Variants in SORBS2 observed in about 807,000 individuals in gnomAD.
SORBS2 encodes sorbin and SH3 domain-containing protein 2.
Under a neutral mutation model 97.7 loss-of-function variants are expected in SORBS2, and 46 were observed. The ratio of observed to expected loss-of-function variants is 0.47; its 90% CI spans 0.37 to 0.60. SORBS2 has a LOEUF of 0.60. Among genes scored for constraint, SORBS2 ranks in the 20% least tolerant of loss-of-function variants. The pLI is 0.00. For synonymous variants in SORBS2, 476 were observed against 473.4 expected, an observed-to-expected ratio of 1.01 and a Z score of -0.07; for missense variants, 1,316 against 1,282.3, an observed-to-expected ratio of 1.03 and a Z score of -0.40.
chr4:185,774,791 G>A (rs969603189), intron 2 of SORBS2: 18 of 151,808 alleles, frequency 1.2e-4, no homozygotes, highest in African/African-American at 3.9e-4. Context: ...TATACAATAC[G>A]GCTCGCTCAT....
intron 1 of SORBS2, among the ~76,000 whole-genome samples, chr4:185,909,615 A>G (rs62336464): frequency 0.4 from 60,822 of 152,050 alleles, 12,785 homozygotes; most frequent in Middle Eastern, 0.5. Flanking sequence ...GCATTGCTTT[A>G]TCATCGCATA....
At position 185,605,948 on chromosome 4, in the gene SORBS2, A is replaced by G. The variant is rs575771215; in HGVS notation, c.2796+5832T>C. On this transcript the variant is annotated intron_variant, in intron 12 of 14. Transcript: ENST00000418609. Reference sequence around the variant, plus strand: ...TTGTTGATTAAAACCACTGTTCAAGATTCTTCATAACATGAAGATACAGTA... The same window carrying G: ...TTGTTGATTAAAACCACTGTTCAAGGTTCTTCATAACATGAAGATACAGTA... 2.9e-3 allele frequency: 750 copies of G among 255,256 alleles called. 3 individuals are homozygous for G. Among genetic ancestry groups the G allele is most frequent in the Admixed American group, 6.0e-3 (93 of 15,414 alleles). 15.8% of individuals were successfully genotyped at this position (255,256 alleles called of 1,614,324 possible).
chr4:185,671,299 C>T (rs138067986), intron 4 of SORBS2, among the ~76,000 whole-genome samples: 325 of 152,220 alleles, frequency 2.1e-3, no homozygotes, highest in South Asian at 3.5e-3. Flanking sequence ...GTATTCAGAT[C>T]GGGAATATGG....
chr4:185,804,605 A>G (rs1052029719), intron 1 of SORBS2, among the ~76,000 whole-genome samples: 5 of 152,214 alleles, frequency 3.3e-5, no homozygotes, highest in African/African-American at 1.2e-4. Context: ...AGTATTTGGT[A>G]TTATACTTAT....
chr4:185,649,792 T>C, intron 2 of SORBS2, 136 bp from the exon 12 acceptor site: 1 of 450,918 alleles, frequency 2.2e-6, no homozygotes, highest in Non-Finnish European at 3.9e-6. Flanking sequence ...TCATAATGCA[T>C]ACATTAGAAG....
At chr4:185,699,772 TA>T (rs1444414142) in intron 2 of SORBS2, among the ~76,000 whole-genome samples, 1 of 152,178 alleles carries the variant, frequency 6.6e-6, no homozygotes, top group African/African-American at 2.4e-5. Context: ...TGGGATCTAA[TA>T]AAAGTAGACA....
intron 1 of SORBS2, among the ~76,000 whole-genome samples, chr4:185,854,403 G>A (rs2099219562): frequency 6.6e-6 from 1 of 152,086 alleles, no homozygotes; most frequent in African/African-American, 2.4e-5. Context: ...CATTAGACTG[G>A]CCCAGTGACA....
intron 1 of SORBS2, among the ~76,000 whole-genome samples, chr4:185,862,977 C>T (rs144631253): frequency 6.0e-4 from 91 of 152,310 alleles, no homozygotes; most frequent in Middle Eastern, 3.4e-3. Context: ...GGGTCTAGTG[C>T]CTACCTCTAT....
At chr4:185,741,923 T>C (rs1254611915) in intron 2 of SORBS2, among the ~76,000 whole-genome samples, 1 of 152,210 alleles carries the variant, frequency 6.6e-6, no homozygotes, top group Non-Finnish European at 1.5e-5. Flanking sequence ...GACCCTGACC[T>C]GTGCTCACTT....
chr4:185,902,067 A>T (rs1393664794), intron 1 of SORBS2, among the ~76,000 whole-genome samples: 3 of 152,202 alleles, frequency 2.0e-5, no homozygotes, highest in African/African-American at 7.2e-5. Context: ...AATCAGAACT[A>T]TTACTTGATT....
chr4:185,870,896 A>C (rs1409023724), intron 1 of SORBS2, among the ~76,000 whole-genome samples: 2 of 152,170 alleles, frequency 1.3e-5, no homozygotes, highest in Non-Finnish European at 2.9e-5. Flanking sequence ...TGCCTCCATC[A>C]CTGTGCGAGG....
chr4:185,702,743 G>T (rs990516997), intron 2 of SORBS2, among the ~76,000 whole-genome samples: 1 of 151,766 alleles, frequency 6.6e-6, no homozygotes, highest in African/African-American at 2.4e-5. Context: ...ACTTCACTTC[G>T]ATGAGCCTGA....
intron 1 of SORBS2, among the ~76,000 whole-genome samples, chr4:185,837,616 T>G (rs1235350493): frequency 6.6e-6 from 1 of 152,176 alleles, no homozygotes; most frequent in African/African-American, 2.4e-5. Flanking sequence ...TATTTAAACT[T>G]AGAAACGGAA....
intron 1 of SORBS2, among the ~76,000 whole-genome samples, chr4:185,922,428 A>C (rs1033907325): frequency 6.6e-6 from 1 of 152,178 alleles, no homozygotes; most frequent in African/African-American, 2.4e-5. Context: ...CTGATCCTTC[A>C]TGGAAGGTTC....
intron 2 of SORBS2, among the ~76,000 whole-genome samples, chr4:185,744,969 G>C (rs1414964152): frequency 6.6e-6 from 1 of 152,220 alleles, no homozygotes; most frequent in African/African-American, 2.4e-5. Context: ...ACTGTTCTTT[G>C]CCCTGGCTGC....
At chr4:185,675,101 A>T (rs1181423527) in intron 4 of SORBS2, 3 of 152,232 alleles carry the variant, frequency 2.0e-5, no homozygotes, top group African/African-American at 7.2e-5. Context: ...CTTAACTTTT[A>T]GATGGTGCCG....
rs1189324158 is a variant in SORBS2 at position 185,684,928 on chromosome 4, C to T, written c.-197-6106G>A. 3.0e-6 allele frequency: 3 copies of T among 1,016,910 alleles called. No individual in the cohort carries two copies. Among genetic ancestry groups the T allele is most frequent in the Non-Finnish European group, 4.5e-6 (3 of 671,352 alleles). 63.0% of individuals were successfully genotyped at this position (1,016,910 alleles called of 1,614,324 possible). On this transcript the variant is annotated intron_variant, in intron 2 of 20. Coordinates refer to the SORBS2 transcript ENST00000284776. The surrounding 1 kb of genome is among the most constrained non-coding windows in gnomAD (Gnocchi z 4.2). Reference sequence around the variant, plus strand: ...TATCATGCGTTTTAAGAGAAATGTGCCAGACATCCATGAGAAAGATGAACA... The same window carrying T: ...TATCATGCGTTTTAAGAGAAATGTGTCAGACATCCATGAGAAAGATGAACA...
chr4:185,605,125 T>C lies in SORBS2; in HGVS notation c.2796+6655A>G, dbSNP rs561119666. On this transcript the variant is annotated intron_variant, in intron 12 of 14. Coordinates refer to ENST00000418609, the Ensembl canonical transcript of SORBS2. ...AAATAAGGTGTTTGTTTTACACAAA[T>C]GCAGGCCTGGCCGGGTTATTTTGAA... Among the ~76,000 whole-genome samples the C allele has an allele frequency of 2.6e-5, 4 of 152,362 alleles. No individual in the cohort carries two copies. The South Asian group carries it at 6.2e-4, about 24-fold the overall frequency.
chr4:185,642,746 C>T (rs1431098946), intron 4 of SORBS2, among the ~76,000 whole-genome samples: 1 of 152,190 alleles, frequency 6.6e-6, no homozygotes, highest in Non-Finnish European at 1.5e-5. Context: ...GATCTCTTTG[C>T]CAGGGTCTTG....
Sources: gnomAD v4.1 joint callset for allele counts (sites outside exome capture counted in the v4.1 genomes callset) on GRCh38, gnomAD v4.1.1 for gene constraint, Gnocchi (gnomAD v3.1) non-coding constraint, MANE v1.5 for transcripts, NCBI Gene and HGNC (gene_info 2026-07-23, HGNC 2026-07-21) for gene names.